The following CDH18 variants were observed in gnomAD, a reference collection of about 807,000 sequenced individuals.
CDH18 encodes cadherin 18, also known as cadherin-18.
Under a neutral mutation model 67.9 loss-of-function variants are expected in CDH18, and 31 were observed. The ratio of observed to expected loss-of-function variants is 0.46; its 90% CI spans 0.34 to 0.62. The LOEUF is 0.62. Among genes scored for constraint, CDH18 ranks in the 20% least tolerant of loss-of-function variants. CDH18 has a pLI of 0.01. For missense variants in CDH18, 890 were observed against 975.5 expected, an observed-to-expected ratio of 0.91 and a Z score of 1.17; for synonymous variants, 362 against 347.2, an observed-to-expected ratio of 1.04 and a Z score of -0.48.
intron 5 of CDH18, among the ~76,000 whole-genome samples, chr5:19,669,782 A>AATGAATTCATTACTCT (rs1758491271): frequency 1.3e-5 from 2 of 152,212 alleles, no homozygotes; most frequent in African/African-American, 2.4e-5. Context: ...TTCATTACTC[A>AATGAATTCATTACTCT]GTAACTATTT....
chr5:19,688,140 C>T (rs1248339729), intron 5 of CDH18, among the ~76,000 whole-genome samples: 2 of 152,164 alleles, frequency 1.3e-5, no homozygotes, highest in African/African-American at 2.4e-5. Flanking sequence ...TGCCATCACT[C>T]ATGCCATACA....
chr5:19,838,979 A>G lies in CDH18; in HGVS notation c.8T>C (p.Ile3Thr), dbSNP rs962530483. 4 of 1,610,648 alleles carry G rather than the reference A, an allele frequency of 2.5e-6. No homozygotes were observed. The highest frequency in any genetic ancestry group is 3.4e-6 in the Non-Finnish European group (4 of 1,176,984). Residue 3 changes from isoleucine (I) to threonine (T), a missense_variant, in exon 3 of 13, where the codon ATT becomes ACT. Around this residue, in one of 2 missense-constraint regions of CDH18, gnomAD observed 234 missense variants for 307.4 expected, o/e 0.76. Coordinates refer to ENST00000382275, the MANE Select transcript of CDH18 (RefSeq NM_004934.5). MK[I>T]TSTSCICPVL... ...TGGACAGATGCAAGATGTGCTAGTA[A>G]TTTTCATTGTAAGATAACTTTCCAG...
intron 3 of CDH18, chr5:19,803,727 A>G (rs562930181): frequency 6.6e-6 from 1 of 152,314 alleles, no homozygotes; most frequent in African/African-American, 2.4e-5. Flanking sequence ...ATTTTATTTT[A>G]TATTTCTGAT....
chr5:19,969,170 C>T (rs1387902164), intron 2 of CDH18, among the ~76,000 whole-genome samples: 22 of 148,452 alleles, frequency 1.5e-4, no homozygotes, highest in Admixed American at 1.3e-3. Flanking sequence ...GTTAGAATGG[C>T]GATCATTAAA....
intron 9 of CDH18, among the ~76,000 whole-genome samples, chr5:19,521,225 A>T (rs938645614): frequency 1.3e-5 from 2 of 152,194 alleles, no homozygotes; most frequent in Non-Finnish European, 2.9e-5. Context: ...TTACACAAAG[A>T]ATCATTTTCT....
intron 2 of CDH18, among the ~76,000 whole-genome samples, chr5:20,210,234 T>A (rs1220584275): frequency 6.6e-6 from 1 of 151,888 alleles, no homozygotes; most frequent in Non-Finnish European, 1.5e-5. Flanking sequence ...TTTATCAATT[T>A]TCTTGCTTTA....
At chr5:20,546,988 A>G (rs760013731) in intron 1 of CDH18, among the ~76,000 whole-genome samples, 2 of 152,186 alleles carry the variant, frequency 1.3e-5, no homozygotes, top group Non-Finnish European at 2.9e-5. Flanking sequence ...TTGATGGAAG[A>G]TGGAGTTTCT....
rs540913595 is a variant in CDH18 at position 20,029,088 on chromosome 5, G to A, written c.-517-37074C>T. The stretch of plus-strand genomic sequence containing the variant: ...TTTTGTATGACAGCCAATTATTCAC[G>A]CATTACCCTTAATTATGCTTTCTAA... On this transcript the variant is annotated intron_variant, in intron 2 of 14. Transcript: ENST00000507958. Among the ~76,000 whole-genome samples the A allele has an allele frequency of 3.9e-5, 6 of 152,196 alleles. No individual in the cohort carries two copies. The South Asian group carries it at 6.2e-4, about 16-fold the overall frequency.
chr5:20,307,008 T>A (rs947746055), intron 1 of CDH18, among the ~76,000 whole-genome samples: 2 of 151,326 alleles, frequency 1.3e-5, no homozygotes, highest in African/African-American at 4.9e-5. Context: ...ATTTACCAAC[T>A]GTGATATCTT....
At position 20,352,959 on chromosome 5, in the gene CDH18, T is replaced by A. The variant is rs2150060116; in HGVS notation, c.-579-97454A>T. On this transcript the variant is annotated intron_variant, in intron 1 of 14. Coordinates refer to the CDH18 transcript ENST00000507958. Reference sequence around the variant, plus strand: ...AGTAGCATTAAAAGCTTAGCTGTAGTTATAAACACTAATGGGTAGGAACAC... The same window carrying A: ...AGTAGCATTAAAAGCTTAGCTGTAGATATAAACACTAATGGGTAGGAACAC... 2.0e-5 allele frequency among the ~76,000 whole-genome samples: 3 copies of A among 152,326 alleles called. No homozygotes were observed. The Middle Eastern group carries it at 0.01, about 518-fold the overall frequency.
At chr5:20,236,432 A>G (rs932885299) in intron 2 of CDH18, among the ~76,000 whole-genome samples, 2 of 151,790 alleles carry the variant, frequency 1.3e-5, no homozygotes, top group African/African-American at 4.8e-5. Context: ...TAAAGCAATC[A>G]AGATTTTCTT....
intron 2 of CDH18, among the ~76,000 whole-genome samples, chr5:20,070,241 C>T (rs1467388515): frequency 1.3e-5 from 2 of 152,082 alleles, no homozygotes; most frequent in African/African-American, 4.8e-5. Flanking sequence ...TTCTTTTTAG[C>T]ACTGAATAAT....
chr5:19,941,549 A>C (rs2150232759), intron 2 of CDH18, among the ~76,000 whole-genome samples: 1 of 152,200 alleles, frequency 6.6e-6, no homozygotes, highest in South Asian at 2.1e-4. Flanking sequence ...TGGGAGGCCA[A>C]GATGGGTAGA....
At position 20,516,733 on chromosome 5, in the gene CDH18, G is replaced by C. The variant is rs1279224584; in HGVS notation, c.-580+58729C>G. Among the ~76,000 whole-genome samples the C allele has an allele frequency of 2.6e-5, 4 of 151,742 alleles. No individual in the cohort carries two copies. The East Asian group carries it at 7.7e-4, about 29-fold the overall frequency. On this transcript the variant is annotated intron_variant, in intron 1 of 14. Coordinates refer to the CDH18 transcript ENST00000507958. ...ACTGATATGGAATGCCTAAGACTAT[G>C]ATTTGTATGACTATTTATAACAATT...
intron 5 of CDH18, among the ~76,000 whole-genome samples, chr5:19,701,466 G>C (rs192297540): frequency 2.6e-5 from 4 of 152,052 alleles, no homozygotes; most frequent in Non-Finnish European, 5.9e-5. Context: ...AGGAGATTTA[G>C]TCTCCTAAGA....
intron 5 of CDH18, among the ~76,000 whole-genome samples, chr5:19,687,472 G>A (rs1761267900): frequency 6.6e-6 from 1 of 152,170 alleles, no homozygotes; most frequent in Non-Finnish European, 1.5e-5. Flanking sequence ...CAGCACTCTA[G>A]TATACACAGC....
At chr5:19,695,433 G>A (rs957046468) in intron 5 of CDH18, among the ~76,000 whole-genome samples, 1 of 152,128 alleles carries the variant, frequency 6.6e-6, no homozygotes, top group Non-Finnish European at 1.5e-5. Context: ...CCAAATGAAT[G>A]ATTAGTAATC....
intron 9 of CDH18, among the ~76,000 whole-genome samples, chr5:19,534,244 C>A (rs1349377120): frequency 2.6e-5 from 4 of 151,716 alleles, no homozygotes; most frequent in Non-Finnish European, 5.9e-5. Flanking sequence ...CACTTATGGA[C>A]AAATTTCATG....
At chr5:20,249,881 C>T (rs764613361) in intron 2 of CDH18, among the ~76,000 whole-genome samples, 3 of 151,586 alleles carry the variant, frequency 2.0e-5, no homozygotes, top group Non-Finnish European at 2.9e-5. Flanking sequence ...TCTTCAGAAA[C>T]GAAAGCCCAC....
Sources: allele counts gnomAD v4.1 joint callset (sites outside exome capture counted in the v4.1 genomes callset), GRCh38; gene constraint gnomAD v4.1.1; regional missense constraint gnomAD v4.1.1; transcripts MANE v1.5; gene names NCBI Gene and HGNC (gene_info 2026-07-23, HGNC 2026-07-21).